NRXN2: variants seen among roughly 807,000 people sequenced by gnomAD.
NRXN2 encodes the protein neurexin 2.
A neutral mutation model predicts 128.8 loss-of-function variants in NRXN2; 29 were observed. That is an observed-to-expected ratio of 0.23 (90% CI 0.17 to 0.31). The LOEUF is 0.31. NRXN2 is among the 10% of genes least tolerant of loss of function. NRXN2 has a pLI of 1.00. For missense variants in NRXN2, 1,881 were observed against 2,452.6 expected (o/e 0.77, Z 4.92); for synonymous variants, 1,098 against 1,075.2 (o/e 1.02, Z -0.41).
At chr11:64,638,091 G>A (rs1441676309) in intron 17 of NRXN2, among the ~76,000 whole-genome samples, 1 of 152,216 alleles carries the variant, frequency 6.6e-6, no homozygotes, top group East Asian at 1.9e-4. Context: ...GACCAGGGAA[G>A]GCGGCCCCAG....
intron 7 of NRXN2, among the ~76,000 whole-genome samples, chr11:64,674,930 G>A (rs1417322414): frequency 2.0e-5 from 3 of 152,220 alleles, no homozygotes; most frequent in Admixed American, 6.5e-5. Context: ...GGTAGATAAG[G>A]GAACTGAGCT....
At chr11:64,652,521 T>G (rs1332274658) in intron 12 of NRXN2, among the ~76,000 whole-genome samples, 1 of 152,080 alleles carries the variant, frequency 6.6e-6, no homozygotes, top group Non-Finnish European at 1.5e-5. Flanking sequence ...ATGACCAACA[T>G]ACTCTTCCCC....
At chr11:64,670,711 G>A (rs1282929521) in intron 7 of NRXN2, among the ~76,000 whole-genome samples, 2 of 152,142 alleles carry the variant, frequency 1.3e-5, no homozygotes, top group Non-Finnish European at 2.9e-5. Flanking sequence ...ATTAAAGATC[G>A]CCTTATGACC....
intron 17 of NRXN2, among the ~76,000 whole-genome samples, chr11:64,639,234 A>C (rs1208548818): frequency 6.6e-6 from 1 of 152,132 alleles, no homozygotes; most frequent in East Asian, 1.9e-4. Context: ...CCAGATAGAG[A>C]GATCTCTAAT....
rs67776872 is a variant in NRXN2, at chr11:64,699,425, C to CTTTTTTT, written c.731-1640_731-1634dup. Among the ~76,000 whole-genome samples, 229 of 92,118 alleles carry CTTTTTTT rather than the reference C, an allele frequency of 2.5e-3. 16 individuals are homozygous for CTTTTTTT. The highest frequency in any genetic ancestry group is 3.5e-3 in the African/African-American group (79 of 22,876). The allele number at this position is 92,118 out of a possible 152,430, so 60.4% of individuals were successfully genotyped here. The stretch of plus-strand genomic sequence containing the variant: ...TAAAAGATACATGTCTAATAGTTTT[C>CTTTTTTT]TTTTTTTTTTTTTTTTTTTTTTGAG... On this transcript the variant is annotated intron_variant, in intron 2 of 22. Transcript: ENST00000265459.
At chr11:64,684,268 T>C (rs1359830589) in intron 6 of NRXN2, among the ~76,000 whole-genome samples, 3 of 152,132 alleles carry the variant, frequency 2.0e-5, no homozygotes. Context: ...CCCAATAAAA[T>C]GTGTGTGGCA....
At chr11:64,669,305 A>G (rs980660005) in intron 7 of NRXN2, among the ~76,000 whole-genome samples, 5 of 152,142 alleles carry the variant, frequency 3.3e-5, no homozygotes, top group Admixed American at 1.3e-4. Context: ...TTCACTCCTC[A>G]GGTCTCCTTA....
chr11:64,651,340 GGAA>G lies in NRXN2; in HGVS notation c.2830_2832del (p.Phe944del). 6.2e-7 allele frequency: 1 copy of G among 1,614,206 alleles called. No individual in the cohort carries two copies. Among genetic ancestry groups the G allele is most frequent in the Non-Finnish European group, 8.5e-7 (1 of 1,180,028 alleles). ...CCATCAGGGGCCGTGGTCTTGAACT[GGAA>G]GAAGAGGTGCATGGAAGCATAGGCT... On this transcript the variant is annotated inframe_deletion, in exon 14 of 23. Transcript: ENST00000265459. The surrounding 1 kb of genome is among the most constrained non-coding windows in gnomAD (Gnocchi z 5.9).
chr11:64,708,203 A>C (rs2056538686), intron 2 of NRXN2, among the ~76,000 whole-genome samples: 1 of 152,210 alleles, frequency 6.6e-6, no homozygotes, highest in African/African-American at 2.4e-5. Flanking sequence ...GGCCTTGGCA[A>C]CTACCTGTTG....
rs1344377137 is a variant in NRXN2, at chr11:64,660,854, G to A, written c.2084C>T (p.Ala695Val). The A allele has an allele frequency of 6.2e-7, 1 of 1,613,862 alleles. No individual in the cohort carries two copies. Among genetic ancestry groups the A allele is most frequent in the Non-Finnish European group, 8.5e-7 (1 of 1,179,968 alleles). The change falls in exon 10 of 23, where the codon GCA becomes GTA. Residue 695 changes from alanine (A) to valine (V), a missense_variant. By Grantham distance (64) the Ala-to-Val change is moderately conservative. Coordinates refer to ENST00000265459, the MANE Select transcript of NRXN2 (RefSeq NM_015080.4). The surrounding 1 kb of genome is among the most constrained non-coding windows in gnomAD (Gnocchi z 5.2). ...GCCCCCATTGCGACAGGGGGCAGATGCACACTGCTTCAGCGTCTCCCGGGA... is the reference window on the plus strand; with the variant it reads ...GCCCCCATTGCGACAGGGGGCAGATACACACTGCTTCAGCGTCTCCCGGGA... ...FCSRETLKQC[A>V]SAPCRNGGVC...
intron 1 of NRXN2, among the ~76,000 whole-genome samples, chr11:64,722,430 C>T (rs905514353): frequency 6.6e-6 from 1 of 152,062 alleles, no homozygotes; most frequent in African/African-American, 2.4e-5. Flanking sequence ...ACCTCTTCTC[C>T]CCTTGGCTCC....
intron 11 of NRXN2, among the ~76,000 whole-genome samples, chr11:64,654,367 C>A (rs2047944607): frequency 6.6e-6 from 1 of 152,218 alleles, no homozygotes; most frequent in African/African-American, 2.4e-5. Flanking sequence ...TCATGGGAGT[C>A]CTTCACCCTG....
intron 3 of NRXN2, among the ~76,000 whole-genome samples, chr11:64,696,844 G>A (rs1484185864): frequency 6.6e-6 from 1 of 152,118 alleles, no homozygotes; most frequent in Non-Finnish European, 1.5e-5. Context: ...AGCTATGTGA[G>A]CTCATCTTCA....
Position 64,677,123 on chromosome 11 carries a change from A to G in NRXN2, c.1153-86T>C. On this transcript the variant is annotated intron_variant, in intron 6 of 22. Coordinates refer to ENST00000265459, the MANE Select transcript of NRXN2 (RefSeq NM_015080.4). Reference sequence around the variant, plus strand: ...AACAACAAAAGAACAGAATGAAAAGAAAAGAAAAATAAAATGACCAACTGT... The same window carrying G: ...AACAACAAAAGAACAGAATGAAAAGGAAAGAAAAATAAAATGACCAACTGT... The G allele has an allele frequency of 8.3e-6, 8 of 963,968 alleles. No individual in the cohort carries two copies. The South Asian group carries it at 1.2e-4, about 14-fold the overall frequency. 59.7% of individuals were successfully genotyped at this position (963,968 alleles called of 1,614,324 possible).
chr11:64,606,635 C>T lies in NRXN2; in HGVS notation c.*561G>A, dbSNP rs2039686331. On this transcript the variant is annotated 3_prime_UTR_variant, in exon 23 of 23. Transcript: ENST00000265459. ...CCACCCACTGGGCCACTCGGGCCCACCCTCCCGCCCTTCTCCCACCGACTC... is the reference window on the plus strand; with the variant it reads ...CCACCCACTGGGCCACTCGGGCCCATCCTCCCGCCCTTCTCCCACCGACTC... The T allele has an allele frequency of 7.6e-6, 1 of 131,882 alleles. No homozygotes were observed. Among genetic ancestry groups the T allele is most frequent in the Admixed American group, 7.4e-5 (1 of 13,550 alleles). The allele number at this position is 131,882 out of a possible 1,614,324, so 8.2% of individuals were successfully genotyped here.
At position 64,651,616 on chromosome 11, in the gene NRXN2, T is replaced by C; in HGVS notation, c.2557A>G (p.Met853Val). The change falls in exon 14 of 23, where the codon ATG becomes GTG. Residue 853 changes from methionine to valine, a missense_variant. Coordinates refer to ENST00000265459, the MANE Select transcript of NRXN2 (RefSeq NM_015080.4). This position sits in a 1 kb window ranked among gnomAD's most constrained non-coding sequence, Gnocchi z 5.9. ...TVEGQMAGAH[M>V]RLEFHNIETG... ...TCAATGTTGTGGAACTCCAGCCGCA[T>C]ATGGGCTCCTGCCATCTGTCCTGCT... 6.2e-7 allele frequency: 1 copy of C among 1,613,964 alleles called. No individual in the cohort carries two copies. The highest frequency in any genetic ancestry group is 8.5e-7 in the Non-Finnish European group (1 of 1,179,974).
At chr11:64,640,297 C>G (rs2045468569) in intron 17 of NRXN2, among the ~76,000 whole-genome samples, 1 of 152,226 alleles carries the variant, frequency 6.6e-6, no homozygotes, top group African/African-American at 2.4e-5. Flanking sequence ...GGCACTCTGG[C>G]TCCCAGGCCC....
intron 2 of NRXN2, among the ~76,000 whole-genome samples, chr11:64,703,898 T>G (rs1425727133): frequency 6.6e-6 from 1 of 152,204 alleles, no homozygotes; most frequent in Non-Finnish European, 1.5e-5. Flanking sequence ...GAGTAGGACG[T>G]TGAAGAACAA....
intron 2 of NRXN2, among the ~76,000 whole-genome samples, chr11:64,711,228 G>A (rs1265772914): frequency 6.6e-6 from 1 of 152,194 alleles, no homozygotes; most frequent in East Asian, 1.9e-4. Context: ...CAGCGCACAC[G>A]TGCACATGCA....
Sources: gnomAD v4.1 joint callset for allele counts (sites outside exome capture counted in the v4.1 genomes callset) on GRCh38, gnomAD v4.1.1 for gene constraint, Gnocchi (gnomAD v3.1) non-coding constraint, MANE v1.5 for transcripts, NCBI Gene and HGNC (gene_info 2026-07-23, HGNC 2026-07-21) for gene names.